The following PTPRN2 variants were observed in gnomAD, a reference collection of about 807,000 sequenced individuals.
PTPRN2 encodes receptor-type tyrosine-protein phosphatase N2.
Under a neutral mutation model 118.8 loss-of-function variants are expected in PTPRN2, and 74 were observed. That is an observed-to-expected ratio of 0.62 (90% CI 0.52 to 0.76). The LOEUF (loss-of-function observed/expected upper bound fraction) is 0.76. Among genes scored for constraint, PTPRN2 ranks in the 30% least tolerant of loss-of-function variants. PTPRN2 has a pLI of 0.00. For missense variants in PTPRN2, 1,481 were observed against 1,394.4 expected (o/e 1.06, Z -0.99); for synonymous variants, 641 against 608.0 (o/e 1.05, Z -0.80).
At chr7:158,006,220 A>G (rs1805623357) in intron 11 of PTPRN2, among the ~76,000 whole-genome samples, 1 of 152,190 alleles carries the variant, frequency 6.6e-6, no homozygotes, top group African/African-American at 2.4e-5. Context: ...TCCTCGTGGA[A>G]TTACTGAGTT....
chr7:158,171,308 CATATATATATATAT>C (rs71198580), intron 5 of PTPRN2, among the ~76,000 whole-genome samples: 4,617 of 48,622 alleles, frequency 0.095, 344 homozygotes, highest in Non-Finnish European at 0.13. Flanking sequence ...TATATACACA[CATATATATATATAT>C]ATATATATAT....
chr7:158,180,656 C>T (rs1824625848), intron 5 of PTPRN2, among the ~76,000 whole-genome samples: 1 of 152,152 alleles, frequency 6.6e-6, no homozygotes, highest in African/African-American at 2.4e-5. Context: ...GATCTTTCAC[C>T]TCCTTGGTTA....
chr7:158,398,769 T>A (rs973568183), intron 2 of PTPRN2, among the ~76,000 whole-genome samples: 1 of 152,204 alleles, frequency 6.6e-6, no homozygotes, highest in Non-Finnish European at 1.5e-5. Flanking sequence ...GCTTTCAGAT[T>A]TAGGATGTAT....
chr7:158,422,698 C>A (rs1815357190), intron 2 of PTPRN2, among the ~76,000 whole-genome samples: 1 of 151,644 alleles, frequency 6.6e-6, no homozygotes, highest in Non-Finnish European at 1.5e-5. Flanking sequence ...TCTGGGGCCA[C>A]CATTCGGATG....
At chr7:158,467,047 C>T (rs944218479) in intron 2 of PTPRN2, among the ~76,000 whole-genome samples, 1 of 152,104 alleles carries the variant, frequency 6.6e-6, no homozygotes, top group African/African-American at 2.4e-5. Flanking sequence ...TCCAAGTGTC[C>T]CTTTTCTCTA....
chr7:157,866,088 G>A (rs192912866), intron 12 of PTPRN2: 2 of 152,350 alleles, frequency 1.3e-5, no homozygotes, highest in East Asian at 3.9e-4. Flanking sequence ...GCAGATGCGA[G>A]AAAATGGGAG....
At chr7:158,065,708 T>A (rs1810721422) in intron 11 of PTPRN2, among the ~76,000 whole-genome samples, 1 of 152,186 alleles carries the variant, frequency 6.6e-6, no homozygotes, top group Admixed American at 6.5e-5. Flanking sequence ...TTATTCATTT[T>A]CAGAACAGTA....
intron 12 of PTPRN2, among the ~76,000 whole-genome samples, chr7:157,716,048 G>T (rs1798886488): frequency 6.6e-6 from 1 of 152,244 alleles, no homozygotes; most frequent in Non-Finnish European, 1.5e-5. Context: ...AAACCTTTGA[G>T]AAGCCCACGT....
chr7:158,514,140 A>T (rs1309946409), intron 1 of PTPRN2, among the ~76,000 whole-genome samples: 1 of 152,214 alleles, frequency 6.6e-6, no homozygotes, highest in East Asian at 1.9e-4. Context: ...CAGGACTGAC[A>T]TAGAAGGATT....
At chr7:158,140,039 G>A (rs1819227370) in intron 6 of PTPRN2, among the ~76,000 whole-genome samples, 5 of 152,158 alleles carry the variant, frequency 3.3e-5, no homozygotes. Flanking sequence ...GAGCCAAAAA[G>A]CTCCTGAAAG....
intron 5 of PTPRN2, among the ~76,000 whole-genome samples, chr7:158,176,278 G>A (rs1428852500): frequency 6.6e-6 from 1 of 152,214 alleles, no homozygotes; most frequent in Non-Finnish European, 1.5e-5. Flanking sequence ...TGGAGGGACA[G>A]TCATCGCCAC....
Position 157,545,339 on chromosome 7 carries a change from G to T in PTPRN2, c.2976+3607C>A, listed in dbSNP as rs1434945072. On this transcript the variant is annotated intron_variant, in intron 22 of 22. Transcript: ENST00000389418. ...GTGGGTGTGTAGGTGTGTGTGGGGG[G>T]TGTGCCTGGGTGTGTGCATGGGGAT... Among the ~76,000 whole-genome samples, 3 of 150,086 alleles carry T rather than the reference G, an allele frequency of 2.0e-5. 1 individual carries two copies. Among genetic ancestry groups the T allele is most frequent in the South Asian group, 4.3e-4 (2 of 4,702 alleles).
At chr7:158,353,186 C>T (rs1808141717) in intron 2 of PTPRN2, among the ~76,000 whole-genome samples, 2 of 152,244 alleles carry the variant, frequency 1.3e-5, no homozygotes, top group Non-Finnish European at 1.5e-5. Flanking sequence ...CCACATCATC[C>T]AATACCACGA....
At chr7:158,361,988 C>T (rs1430311974) in intron 2 of PTPRN2, among the ~76,000 whole-genome samples, 114 of 152,340 alleles carry the variant, frequency 7.5e-4, no homozygotes, top group African/African-American at 2.3e-3. Flanking sequence ...GGCCCTGAAT[C>T]CCAGCCCCTT....
In PTPRN2 at chr7:157,591,580, G is replaced by A. The variant is rs1800989221; in HGVS notation, c.2496+3658C>T. The stretch of plus-strand genomic sequence containing the variant: ...CCTTCCGTGGGAGGTTTTAAAGACA[G>A]GTGTTCTTCCTCTGCCTGCGTTCTG... On this transcript the variant is annotated intron_variant, in intron 17 of 22. Transcript: ENST00000389418. The surrounding 1 kb of genome is among the most constrained non-coding windows in gnomAD (Gnocchi z 4.4). Among the ~76,000 whole-genome samples the A allele has an allele frequency of 6.6e-6, 1 of 152,254 alleles. No individual in the cohort carries two copies. The highest frequency in any genetic ancestry group is 1.5e-5 in the Non-Finnish European group (1 of 68,046).
intron 3 of PTPRN2, among the ~76,000 whole-genome samples, chr7:158,234,438 G>C (rs563123148): frequency 2.0e-5 from 3 of 151,986 alleles, no homozygotes; most frequent in Non-Finnish European, 4.4e-5. Flanking sequence ...AACAGATATA[G>C]TCATCAAATA....
At chr7:158,543,278 C>T (rs1026846857) in intron 1 of PTPRN2, among the ~76,000 whole-genome samples, 8 of 152,176 alleles carry the variant, frequency 5.3e-5, no homozygotes, top group African/African-American at 1.9e-4. Flanking sequence ...CTCCCCACCC[C>T]GAGGCTCTGA....
chr7:158,395,196 C>A (rs930252317), intron 2 of PTPRN2, among the ~76,000 whole-genome samples: 1 of 150,698 alleles, frequency 6.6e-6, no homozygotes, highest in Non-Finnish European at 1.5e-5. Context: ...CTGCAGTACC[C>A]GAGCACGGCC....
intron 3 of PTPRN2, among the ~76,000 whole-genome samples, chr7:158,262,497 GCA>G (rs925677835): frequency 9.5e-4 from 49 of 51,500 alleles, no homozygotes; most frequent in South Asian, 5.7e-3. Context: ...ACACATACAT[GCA>G]CACACACTGC....
Sources: allele counts gnomAD v4.1 joint callset (sites outside exome capture counted in the v4.1 genomes callset), GRCh38; gene constraint gnomAD v4.1.1; non-coding constraint Gnocchi (gnomAD v3.1); transcripts MANE v1.5; gene names NCBI Gene and HGNC (gene_info 2026-07-23, HGNC 2026-07-21).